The following JAKMIP3 variants were observed in gnomAD, a reference collection of about 807,000 sequenced individuals.
JAKMIP3 encodes janus kinase and microtubule-interacting protein 3.
Under a neutral mutation model 118.5 loss-of-function variants are expected in JAKMIP3, and 58 were observed. The observed-to-expected ratio is 0.49, with a 90% CI of 0.40 to 0.61. The LOEUF is 0.61. JAKMIP3 is among the 20% of genes least tolerant of loss of function. The pLI is 0.00. For synonymous variants in JAKMIP3, 486 were observed against 451.2 expected (o/e 1.08, Z -0.98); for missense variants, 950 against 1,109.0 (o/e 0.86, Z 2.04).
chr10:132,137,229 G>A (rs747252700), intron 7 of JAKMIP3, 25 bp from the exon 8 acceptor site: 21 of 1,613,760 alleles, frequency 1.3e-5, no homozygotes, highest in Middle Eastern at 1.6e-4. Flanking sequence ...GAGCAATTCC[G>A]TAACATGCTG....
chr10:132,120,930 C>T (rs1015330151), intron 3 of JAKMIP3, among the ~76,000 whole-genome samples: 4 of 152,314 alleles, frequency 2.6e-5, no homozygotes, highest in East Asian at 1.9e-4. Flanking sequence ...GGTGTGTGGC[C>T]GCTCGAGCTG....
chr10:132,134,213 G>A (rs975646498), intron 4 of JAKMIP3, among the ~76,000 whole-genome samples: 3 of 152,144 alleles, frequency 2.0e-5, no homozygotes, highest in African/African-American at 4.8e-5. Context: ...CTTTGACCCC[G>A]AGCCTCTCCT....
In JAKMIP3 at chr10:132,117,127, G is replaced by T; in HGVS notation, c.186G>T (p.Glu62Asp). ...ACCAGGAGCTGCGGCAGGTGCGCGA[G>T]CATGAGCAGCATAAGACCGCGGTCT... Reference protein sequence around the residue: ...EKNQELRQVREHEQHKTAVLL... With the variant: ...EKNQELRQVRDHEQHKTAVLL... The change falls in exon 3 of 24, where the codon GAG becomes GAT. Residue 62 changes from glutamate (E) to aspartate (D), a missense_variant. By Grantham distance (45) the Glu-to-Asp change is conservative (BLOSUM62 2). Coordinates refer to ENST00000684848, the MANE Select transcript of JAKMIP3 (RefSeq NM_001323087.2). This position sits in a 1 kb window ranked among gnomAD's most constrained non-coding sequence, Gnocchi z 8.6. 1 of 1,613,478 alleles carries T rather than the reference G, an allele frequency of 6.2e-7. No homozygotes were observed. Among genetic ancestry groups the T allele is most frequent in the Non-Finnish European group, 8.5e-7 (1 of 1,179,712 alleles).
chr10:132,171,377 G>T (rs574127643), intron 23 of JAKMIP3, among the ~76,000 whole-genome samples: 2 of 152,300 alleles, frequency 1.3e-5, no homozygotes, highest in East Asian at 3.9e-4. Context: ...GGAAGCAGAG[G>T]GCCCCTCACC....
intron 1 of JAKMIP3, among the ~76,000 whole-genome samples, chr10:132,101,032 A>T (rs2044812613): frequency 6.6e-6 from 1 of 152,212 alleles, no homozygotes; most frequent in African/African-American, 2.4e-5. Context: ...GGAGAAAAAT[A>T]TCAACTCTGC....
At chr10:132,076,703 G>A (rs999628285) in intron 1 of JAKMIP3, among the ~76,000 whole-genome samples, 1 of 151,194 alleles carries the variant, frequency 6.6e-6, no homozygotes, top group Non-Finnish European at 1.5e-5. Flanking sequence ...GTGGCCCCGG[G>A]TCTTACCGTG....
intron 9 of JAKMIP3, among the ~76,000 whole-genome samples, chr10:132,139,247 T>TGA (rs1433678782): frequency 8.2e-5 from 10 of 121,622 alleles, no homozygotes; most frequent in Admixed American, 1.6e-4. Context: ...CATCTGTGTG[T>TGA]GTATGTGTGT....
intron 3 of JAKMIP3, among the ~76,000 whole-genome samples, chr10:132,121,524 G>C (rs2048528974): frequency 6.6e-6 from 1 of 152,182 alleles, no homozygotes; most frequent in Non-Finnish European, 1.5e-5. Flanking sequence ...GTCAGGGATG[G>C]GTCTCTGCTG....
chr10:132,098,004 C>CTTTACCTTTCCT (rs1199956471), intron 1 of JAKMIP3, among the ~76,000 whole-genome samples: 1 of 49,192 alleles, frequency 2.0e-5, no homozygotes, highest in Non-Finnish European at 4.3e-5. Context: ...TCCCCTTCCC[C>CTTTACCTTTCCT]TCCTTCCTTT....
In JAKMIP3 at chr10:132,145,142, A is replaced by G. The variant is rs1171490063; in HGVS notation, c.1638A>G (p.Ala546=). 6.2e-7 allele frequency: 1 copy of G among 1,612,570 alleles called. No individual in the cohort carries two copies. The highest frequency in any genetic ancestry group is 1.1e-5 in the South Asian group (1 of 90,948). The change falls in exon 12 of 24, where the codon GCA becomes GCG. Residue 546 remains alanine, a synonymous_variant. Coordinates refer to ENST00000684848, the MANE Select transcript of JAKMIP3 (RefSeq NM_001323087.2). ...AGCTACAAGCCGAAGTGCAGAGGGC[A>G]CAGGCGCGGATAGAGGACCTGGAGA... is the stretch of plus-strand genomic sequence containing the variant. ...REQLQAEVQR[A]QARIEDLEKA... is the part of the protein sequence containing the mutation.
At chr10:132,061,535 T>C (rs562911563), upstream of JAKMIP3, among the ~76,000 whole-genome samples, 40 of 152,312 alleles carry the variant, frequency 2.6e-4, no homozygotes, top group African/African-American at 9.4e-4. Flanking sequence ...GGCAAGTTGA[T>C]ATAAAAAGGC....
chr10:132,148,454 T>C (rs557292753), intron 14 of JAKMIP3, among the ~76,000 whole-genome samples: 3 of 148,354 alleles, frequency 2.0e-5, no homozygotes, highest in African/African-American at 4.9e-5. Context: ...GTCCTCCATC[T>C]GCCCGTCCTC....
At chr10:132,069,961 T>A (rs1308757313) in intron 1 of JAKMIP3, among the ~76,000 whole-genome samples, 1 of 151,892 alleles carries the variant, frequency 6.6e-6, no homozygotes, top group African/African-American at 2.4e-5. Context: ...ACATGGGGAG[T>A]TCTGCAGCCT....
At chr10:132,180,788 T>TGCGTGTGTGCGTGTGTGTGTGC (rs1491365450) in intron 23 of JAKMIP3, among the ~76,000 whole-genome samples, 8 of 10,728 alleles carry the variant, frequency 7.5e-4, no homozygotes, top group African/African-American at 2.4e-3. Context: ...TGTGTGCGCG[T>TGCGTGTGTGCGTGTGTGTGTGC]ATGCATGTGC....
At chr10:132,153,682 T>A in intron 17 of JAKMIP3, 77 bp from the exon 18 acceptor site, 1 of 1,421,250 alleles carries the variant, frequency 7.0e-7, no homozygotes, top group Non-Finnish European at 9.9e-7. Flanking sequence ...CTGTCCTGGC[T>A]TTTCTCCCAG....
rs965196498 is a variant in JAKMIP3, at chr10:132,099,557, C to T, written c.-137-5115C>T. 4.6e-5 allele frequency among the ~76,000 whole-genome samples: 7 copies of T among 152,186 alleles called. No homozygotes were observed. In the South Asian group the frequency reaches 6.2e-4, roughly 13 times the overall value. On this transcript the variant is annotated intron_variant, in intron 1 of 23. Coordinates refer to ENST00000684848, the MANE Select transcript of JAKMIP3 (RefSeq NM_001323087.2). Reference sequence around the variant, plus strand: ...TGCAGCAGAGGAAGCACTCTGTCTACGGGGGTTTGGGGAGGCCCTGGTGCA... The same window carrying T: ...TGCAGCAGAGGAAGCACTCTGTCTATGGGGGTTTGGGGAGGCCCTGGTGCA...
Position 132,153,625 on chromosome 10 carries a change from G to C in JAKMIP3, c.2074-134G>C, listed in dbSNP as rs1232402997. On this transcript the variant is annotated intron_variant, in intron 17 of 23. Transcript: ENST00000684848. ...CAGCGCAGCCTCAACTCCCTGGAGA[G>C]GGCTGTGCTCTCCCCTCCCTAAGGA... The C allele has an allele frequency of 7.2e-6, 6 of 838,394 alleles. No individual in the cohort carries two copies. The East Asian group carries it at 1.2e-4, about 17-fold the overall frequency. 51.9% of individuals were successfully genotyped at this position (838,394 alleles called of 1,614,324 possible).
At chr10:132,072,844 T>G (rs1438656937) in intron 1 of JAKMIP3, among the ~76,000 whole-genome samples, 3 of 152,180 alleles carry the variant, frequency 2.0e-5, no homozygotes, top group African/African-American at 7.2e-5. Flanking sequence ...GGGCTATCAG[T>G]GTCCCCATTA....
chr10:132,114,046 C>T (rs979203662), intron 2 of JAKMIP3, among the ~76,000 whole-genome samples: 2 of 152,254 alleles, frequency 1.3e-5, no homozygotes, highest in African/African-American at 4.8e-5. Context: ...CCCTTGCTTA[C>T]TCCTTTACCT....
Sources: gnomAD v4.1 joint callset for allele counts (sites outside exome capture counted in the v4.1 genomes callset) on GRCh38, gnomAD v4.1.1 for gene constraint, Gnocchi (gnomAD v3.1) non-coding constraint, MANE v1.5 for transcripts, NCBI Gene and HGNC (gene_info 2026-07-23, HGNC 2026-07-21) for gene names.